The following LRP1B variants were observed in gnomAD, a reference collection of about 807,000 sequenced individuals.
LRP1B encodes LDL receptor related protein 1B, also known as low-density lipoprotein receptor-related protein 1B.
A neutral mutation model predicts 556.6 loss-of-function variants in LRP1B; 217 were observed. The observed-to-expected ratio is 0.39, with a 90% CI of 0.35 to 0.44. The LOEUF (loss-of-function observed/expected upper bound fraction) is 0.44. LRP1B is among the 20% of genes least tolerant of loss of function. LRP1B has a pLI of 1.00. For missense variants in LRP1B, 5,053 were observed against 5,620.8 expected (o/e 0.90, Z 3.23); for synonymous variants, 2,047 against 1,865.8 (o/e 1.10, Z -2.50).
intron 1 of LRP1B, among the ~76,000 whole-genome samples, chr2:141,829,501 T>G (rs1016303073): frequency 6.6e-6 from 1 of 152,098 alleles, no homozygotes; most frequent in African/African-American, 2.4e-5. Flanking sequence ...AAGATGGAAG[T>G]TGACTCAGAG....
At chr2:141,601,191 T>C (rs1236207155) in intron 2 of LRP1B, among the ~76,000 whole-genome samples, 1 of 143,902 alleles carries the variant, frequency 6.9e-6, no homozygotes, top group African/African-American at 2.6e-5. Flanking sequence ...ATAGTATCTG[T>C]CTGTCTGTCA....
chr2:140,741,539 A>T (rs982259308), intron 35 of LRP1B, among the ~76,000 whole-genome samples: 10 of 152,006 alleles, frequency 6.6e-5, no homozygotes, highest in African/African-American at 2.4e-4. Flanking sequence ...ACATGGGTAA[A>T]TTGCATATCA....
intron 20 of LRP1B, 75 bp downstream of exon 20, chr2:140,950,160 C>T: frequency 2.8e-6 from 3 of 1,088,876 alleles, no homozygotes; most frequent in South Asian, 2.0e-5. Flanking sequence ...ATACAATATT[C>T]TCTCTGTAAT....
At chr2:141,936,167 G>GC (rs1219578896) in intron 1 of LRP1B, among the ~76,000 whole-genome samples, 2 of 152,038 alleles carry the variant, frequency 1.3e-5, no homozygotes, top group Non-Finnish European at 2.9e-5. Flanking sequence ...CACAAGATAT[G>GC]TTTTTTCCTT....
At chr2:141,496,564 G>A (rs749506472) in intron 2 of LRP1B, among the ~76,000 whole-genome samples, 1 of 152,006 alleles carries the variant, frequency 6.6e-6, no homozygotes, top group East Asian at 1.9e-4. Context: ...TAAACACGAT[G>A]TCGCTTACAG....
intron 3 of LRP1B, among the ~76,000 whole-genome samples, chr2:141,474,289 G>A (rs1030431038): frequency 6.6e-6 from 1 of 152,072 alleles, no homozygotes; most frequent in Non-Finnish European, 1.5e-5. Context: ...ATACATATAA[G>A]ATTAAGTAAG....
At chr2:142,047,412 G>T (rs1704298529) in intron 1 of LRP1B, among the ~76,000 whole-genome samples, 2 of 151,972 alleles carry the variant, frequency 1.3e-5, no homozygotes, top group South Asian at 4.1e-4. Context: ...CAGAAAAAAA[G>T]CTCATTCAGA....
Position 140,475,202 on chromosome 2 carries a change from T to G in LRP1B, c.9561A>C (p.Arg3187Ser). ...TGTGATTTTCATCGGCCCAGTAGAG[T>G]CTACGATTAACATAATCTATTGTTA... Reference protein sequence around the residue: ...MALTIDYVNRRLYWADENHIE... With the variant: ...MALTIDYVNRSLYWADENHIE... Residue 3187 changes from arginine to serine, a missense_variant, in exon 60 of 91, where the codon AGA becomes AGC. Arg to Ser is a moderately radical substitution (Grantham distance 110, BLOSUM62 -1). Coordinates refer to ENST00000389484, the MANE Select transcript of LRP1B (RefSeq NM_018557.3). 6.2e-7 allele frequency: 1 copy of G among 1,611,488 alleles called. No individual in the cohort carries two copies. The highest frequency in any genetic ancestry group is 8.5e-7 in the Non-Finnish European group (1 of 1,178,504).
chr2:141,847,232 T>A (rs1395719550), intron 1 of LRP1B, among the ~76,000 whole-genome samples: 1 of 151,476 alleles, frequency 6.6e-6, no homozygotes, highest in African/African-American at 2.4e-5. Context: ...AACAACAAAA[T>A]ATATGTTATC....
At chr2:140,806,231 C>T (rs951194242) in intron 32 of LRP1B, among the ~76,000 whole-genome samples, 5 of 151,998 alleles carry the variant, frequency 3.3e-5, no homozygotes, top group Non-Finnish European at 7.4e-5. Flanking sequence ...GTTTTTAAAG[C>T]CTCTCAGCCT....
chr2:140,680,351 T>G (rs1685819056), intron 41 of LRP1B, among the ~76,000 whole-genome samples: 1 of 146,694 alleles, frequency 6.8e-6, no homozygotes, highest in Non-Finnish European at 1.5e-5. Context: ...GTTGCAGAAA[T>G]AAGCTCCCTT....
chr2:141,000,642 G>T (rs1336104214), intron 15 of LRP1B, among the ~76,000 whole-genome samples: 2 of 151,964 alleles, frequency 1.3e-5, no homozygotes, highest in African/African-American at 4.8e-5. Context: ...CTTTAAACTC[G>T]CAGAGGACTG....
intron 1 of LRP1B, among the ~76,000 whole-genome samples, chr2:141,928,916 T>G (rs1700411276): frequency 2.6e-5 from 4 of 152,092 alleles, no homozygotes; most frequent in Admixed American, 2.6e-4. Context: ...CTTGGCCTGG[T>G]ACAGCCCTGA....
At chr2:141,854,562 T>C (rs16847370) in intron 1 of LRP1B, among the ~76,000 whole-genome samples, 5,326 of 152,086 alleles carry the variant, frequency 0.035, 297 homozygotes, top group African/African-American at 0.12. Context: ...TCTGTTGAAG[T>C]TGAATTTGTA....
At chr2:141,446,114 C>CAT (rs1471046316) in intron 3 of LRP1B, among the ~76,000 whole-genome samples, 1 of 152,082 alleles carries the variant, frequency 6.6e-6, no homozygotes, top group Admixed American at 6.6e-5. Context: ...GTATTGTGTG[C>CAT]ATATATATTT....
In LRP1B at chr2:140,310,404, C is replaced by T. The variant is rs1476400835; in HGVS notation, c.12805+4531G>A. Among the ~76,000 whole-genome samples, 10 of 122,064 alleles carry T rather than the reference C, an allele frequency of 8.2e-5. No individual in the cohort carries two copies. In the South Asian group the frequency reaches 2.5e-3, roughly 31 times the overall value. 80.1% of individuals were successfully genotyped at this position (122,064 alleles called of 152,430 possible). A position where few individuals can be genotyped will look rare whatever the true frequency, so the allele number is the denominator to read the frequency against. On this transcript the variant is annotated intron_variant, in intron 83 of 90. Coordinates refer to ENST00000389484, the MANE Select transcript of LRP1B (RefSeq NM_018557.3). ...AATTAGAAAAAGCAATCCTAAAATTCATACGGAACCAAAAAAAAAAAAAAG... is the reference window on the plus strand; with the variant it reads ...AATTAGAAAAAGCAATCCTAAAATTTATACGGAACCAAAAAAAAAAAAAAG...
At chr2:141,516,860 G>T (rs1684330468) in intron 2 of LRP1B, among the ~76,000 whole-genome samples, 1 of 151,306 alleles carries the variant, frequency 6.6e-6, no homozygotes, top group Admixed American at 6.6e-5. Flanking sequence ...ACCATGCCTG[G>T]CTAATTTTTG....
At chr2:141,590,729 A>G (rs932358465) in intron 2 of LRP1B, among the ~76,000 whole-genome samples, 29 of 152,082 alleles carry the variant, frequency 1.9e-4, no homozygotes, top group Admixed American at 1.2e-3. Flanking sequence ...AACAGTTTCA[A>G]TCAGAGGAGG....
chr2:141,298,675 C>A (rs1686277869), intron 3 of LRP1B, among the ~76,000 whole-genome samples: 1 of 152,066 alleles, frequency 6.6e-6, no homozygotes, highest in African/African-American at 2.4e-5. Context: ...GTAAGTGAGG[C>A]CAGGCGTGGT....
Sources: allele counts gnomAD v4.1 joint callset (sites outside exome capture counted in the v4.1 genomes callset), GRCh38; gene constraint gnomAD v4.1.1; transcripts MANE v1.5; gene names NCBI Gene and HGNC (gene_info 2026-07-23, HGNC 2026-07-21).